GNL3L: variants seen among roughly 807,000 people sequenced by gnomAD.
The protein encoded by GNL3L is G protein nucleolar 3 like.
Under a neutral mutation model 42.9 loss-of-function variants are expected in GNL3L, and 4 were observed. The observed-to-expected ratio is 0.09, with a 90% CI of 0.05 to 0.21. The LOEUF (loss-of-function observed/expected upper bound fraction) is 0.21. GNL3L is among the 10% of genes least tolerant of loss of function. The pLI, the probability that GNL3L is intolerant of heterozygous loss-of-function variation, is 1.00. For synonymous variants in GNL3L, 159 were observed against 176.3 expected, an observed-to-expected ratio of 0.90 and a Z score of 0.78; for missense variants, 412 against 481.7, an observed-to-expected ratio of 0.86 and a Z score of 1.36.
At chrX:54,584,209 G>C (rs924726459) in intron 16 of GNL3L, among the ~76,000 whole-genome samples, 2 of 107,687 alleles carry the variant, frequency 1.9e-5, no homozygotes, top group Admixed American at 2.0e-4. Flanking sequence ...AATTTTTGTA[G>C]TTTTATTAGA....
intron 16 of GNL3L, among the ~76,000 whole-genome samples, chrX:54,605,288 G>A (rs1926046642): frequency 8.9e-6 from 1 of 111,907 alleles, no homozygotes; most frequent in Admixed American, 9.5e-5. Flanking sequence ...TTCAACTCAT[G>A]TTTGAACTCT....
intron 2 of GNL3L, among the ~76,000 whole-genome samples, chrX:54,534,211 A>G (rs1353299098): frequency 9.3e-6 from 1 of 107,984 alleles, no homozygotes; most frequent in Non-Finnish European, 1.9e-5. Flanking sequence ...CAAGAGGGAA[A>G]AATAGTCTCA....
chrX:54,634,784 G>C, the GNL3L span, among the ~76,000 whole-genome samples: 1 of 89,002 alleles, frequency 1.1e-5, no homozygotes, highest in African/African-American at 4.2e-5. Context: ...ACTGCGCCCG[G>C]CTCTTTTTTT....
At chrX:54,637,160 G>A in the GNL3L span, among the ~76,000 whole-genome samples, 1 of 111,672 alleles carries the variant, frequency 9.0e-6, no homozygotes, top group Non-Finnish European at 1.9e-5. Context: ...AGGGGAACAA[G>A]AGCTTGGAGC....
downstream of GNL3L, among the ~76,000 whole-genome samples, chrX:54,626,136 A>T (rs1341858008): frequency 9.0e-6 from 1 of 111,328 alleles, no homozygotes; most frequent in African/African-American, 3.3e-5. Context: ...CTCATTCCTC[A>T]TATCTAGCTG....
intron 16 of GNL3L, among the ~76,000 whole-genome samples, chrX:54,573,832 C>T (rs2147510462): frequency 9.4e-6 from 1 of 106,083 alleles, no homozygotes; most frequent in Non-Finnish European, 1.9e-5. Flanking sequence ...TGATTATTCT[C>T]ATTATGGGTC....
At chrX:54,605,782 C>T (rs1926053508) in intron 16 of GNL3L, among the ~76,000 whole-genome samples, 1 of 111,308 alleles carries the variant, frequency 9.0e-6, no homozygotes, top group South Asian at 3.8e-4. Context: ...GCAATGCCTC[C>T]TCTGCTCCTG....
At chrX:54,632,919 C>G in the GNL3L span, among the ~76,000 whole-genome samples, 1 of 111,626 alleles carries the variant, frequency 9.0e-6, no homozygotes, top group Non-Finnish European at 1.9e-5. Context: ...ATCGGTGACT[C>G]AAGGGCTGCT....
chrX:54,551,756 C>T lies in GNL3L; in HGVS notation c.1038+14C>T, dbSNP rs1924947676. 2.5e-6 allele frequency: 3 copies of T among 1,208,165 alleles called. No individual in the cohort carries two copies. Among genetic ancestry groups the T allele is most frequent in the Middle Eastern group, 2.3e-4 (1 of 4,341 alleles). Reference sequence around the variant, plus strand: ...AACCTGGAGGAGGTCCGCAGCAGAGCCCTGGCTGATGCCCTGCCCTACTCT... The same window carrying T: ...AACCTGGAGGAGGTCCGCAGCAGAGTCCTGGCTGATGCCCTGCCCTACTCT... On this transcript the variant is annotated intron_variant, in intron 11 of 15. Coordinates refer to ENST00000360845, the MANE Select transcript of GNL3L (RefSeq NM_001184819.2).
At chrX:54,560,409 T>G in intron 15 of GNL3L, 111 bp from the exon 16 acceptor site, 2 of 519,462 alleles carry the variant, frequency 3.9e-6, no homozygotes, top group Non-Finnish European at 6.7e-6. Flanking sequence ...TGGGGGTAAG[T>G]GAGCCAGTTC....
chrX:54,535,506 A>G (rs754824829), intron 2 of GNL3L, among the ~76,000 whole-genome samples: 2 of 111,978 alleles, frequency 1.8e-5, no homozygotes, highest in Admixed American at 1.9e-4. Flanking sequence ...TTTTTAAACA[A>G]TCCTCCATCG....
intron 16 of GNL3L, among the ~76,000 whole-genome samples, chrX:54,572,771 G>T (rs1189278860): frequency 1.9e-5 from 2 of 105,581 alleles, no homozygotes; most frequent in Non-Finnish European, 3.9e-5. Flanking sequence ...CGGGCGGAGA[G>T]GCTCCTCACT....
At chrX:54,621,332 G>A (rs1208583427) in exon 17 of GNL3L, among the ~76,000 whole-genome samples, 1 of 111,853 alleles carries the variant, frequency 8.9e-6, no homozygotes, top group Admixed American at 9.5e-5. Flanking sequence ...ACCAAATGTA[G>A]AAACTCTGGT....
At chrX:54,640,088 C>T in the GNL3L span, among the ~76,000 whole-genome samples, 1 of 110,727 alleles carries the variant, frequency 9.0e-6, no homozygotes, top group Non-Finnish European at 1.9e-5. Context: ...AAAGACTGGC[C>T]CATATATTTT....
In GNL3L at chrX:54,562,220, A is replaced by G. The variant is rs1350971798; in HGVS notation, c.*1618A>G. Among the ~76,000 whole-genome samples the G allele has an allele frequency of 2.7e-5, 3 of 111,508 alleles. No homozygotes were observed. The highest frequency in any genetic ancestry group is 5.7e-5 in the Non-Finnish European group (3 of 53,040). On this transcript the variant is annotated 3_prime_UTR_variant, in exon 16 of 16. Coordinates refer to ENST00000360845, the MANE Select transcript of GNL3L (RefSeq NM_001184819.2). ...GCCACCACGCCTGGCTAGTTTTTGTATTTTTAGTAGAGACGATGTTTCACC... is the reference window on the plus strand; with the variant it reads ...GCCACCACGCCTGGCTAGTTTTTGTGTTTTTAGTAGAGACGATGTTTCACC...
chrX:54,623,506 G>T (rs772753079), downstream of GNL3L, among the ~76,000 whole-genome samples: 14 of 111,866 alleles, frequency 1.3e-4, no homozygotes, highest in Non-Finnish European at 2.6e-4. Flanking sequence ...CTTGTGATCC[G>T]CCTGCCTCGG....
chrX:54,619,463 G>A (rs1374786518), intron 16 of GNL3L, among the ~76,000 whole-genome samples: 8 of 109,949 alleles, frequency 7.3e-5, no homozygotes, highest in Non-Finnish European at 1.3e-4. Flanking sequence ...CATTAACTGC[G>A]GGAGTAGGAG....
intron 16 of GNL3L, among the ~76,000 whole-genome samples, chrX:54,583,176 A>G (rs1044747501): frequency 5.4e-5 from 6 of 110,446 alleles, no homozygotes; most frequent in Non-Finnish European, 9.5e-5. Flanking sequence ...ATGAGGTCCT[A>G]TTTATTTATT....
intron 16 of GNL3L, among the ~76,000 whole-genome samples, chrX:54,592,770 A>C (rs2147521814): frequency 9.1e-6 from 1 of 109,390 alleles, no homozygotes; most frequent in African/African-American, 3.3e-5. Context: ...ATTCGTGATC[A>C]TGCCACACCA....
Sources: gnomAD v4.1 joint callset for allele counts (sites outside exome capture counted in the v4.1 genomes callset) on GRCh38, gnomAD v4.1.1 for gene constraint, MANE v1.5 for transcripts, NCBI Gene and HGNC (gene_info 2026-07-23, HGNC 2026-07-21) for gene names.